The following STK3 variants were observed in gnomAD, a reference collection of about 807,000 sequenced individuals.
The protein encoded by STK3 is serine/threonine-protein kinase 3.
Under a neutral mutation model 58.0 loss-of-function variants are expected in STK3, and 41 were observed. The observed-to-expected ratio is 0.71, with a 90% confidence interval of 0.55 to 0.92. The LOEUF is 0.92. STK3 is among the 40% of genes least tolerant of loss of function. The pLI is 0.00. For synonymous variants in STK3, 170 were observed against 191.0 expected (o/e 0.89, Z 0.91); for missense variants, 479 against 602.7 (o/e 0.79, Z 2.15).
upstream of STK3, among the ~76,000 whole-genome samples, chr8:98,390,956 C>A (rs933587602): frequency 6.6e-6 from 1 of 152,050 alleles, no homozygotes; most frequent in African/African-American, 2.4e-5. Flanking sequence ...CAAATTCACC[C>A]TTACTTTTGG....
chr8:98,520,125 C>A (rs1825239962), intron 10 of STK3, among the ~76,000 whole-genome samples: 1 of 152,100 alleles, frequency 6.6e-6, no homozygotes, highest in South Asian at 2.1e-4. Flanking sequence ...GGAAATAATT[C>A]TAACAAAAAC....
At chr8:98,842,140 G>A (rs1836016561) in intron 3 of STK3, among the ~76,000 whole-genome samples, 1 of 152,050 alleles carries the variant, frequency 6.6e-6, no homozygotes, top group South Asian at 2.1e-4. Context: ...AAGAAGCTCT[G>A]AATAAAAGAT....
chr8:98,612,742 C>G (rs1817302182), intron 6 of STK3, among the ~76,000 whole-genome samples: 1 of 152,112 alleles, frequency 6.6e-6, no homozygotes, highest in African/African-American at 2.4e-5. Flanking sequence ...CAGCCAAACA[C>G]CACAGAAAAA....
chr8:98,539,137 T>C (rs190116805), intron 9 of STK3, among the ~76,000 whole-genome samples: 71 of 152,312 alleles, frequency 4.7e-4, no homozygotes, highest in Middle Eastern at 3.4e-3. Flanking sequence ...CAATTATTTC[T>C]TGGCATCTCA....
intron 8 of STK3, among the ~76,000 whole-genome samples, chr8:98,552,668 C>T (rs1811266715): frequency 6.6e-6 from 1 of 152,114 alleles, no homozygotes. Flanking sequence ...ACTAAAGCCT[C>T]CATCATTTTC....
At chr8:98,830,056 G>A (rs748111932), upstream of STK3, among the ~76,000 whole-genome samples, 25 of 151,882 alleles carry the variant, frequency 1.6e-4, no homozygotes, top group Non-Finnish European at 3.5e-4. Context: ...GTGAAACCCC[G>A]TCTCTACTAA....
At chr8:98,896,044 T>G (rs1193996876) in intron 1 of STK3, among the ~76,000 whole-genome samples, 1 of 152,160 alleles carries the variant, frequency 6.6e-6, no homozygotes, top group Non-Finnish European at 1.5e-5. Context: ...TTTAAATTAT[T>G]TATATTCTTG....
intron 6 of STK3, among the ~76,000 whole-genome samples, chr8:98,675,170 A>G (rs1823107541): frequency 6.6e-6 from 1 of 152,218 alleles, no homozygotes; most frequent in African/African-American, 2.4e-5. Flanking sequence ...CTTGTGGAAA[A>G]TAAAGCACTG....
At chr8:98,754,443 A>G (rs188257699) in intron 3 of STK3, among the ~76,000 whole-genome samples, 4 of 151,862 alleles carry the variant, frequency 2.6e-5, no homozygotes, top group African/African-American at 9.7e-5. Context: ...ATAGACCCAG[A>G]GTTAAGCTTC....
intron 6 of STK3, among the ~76,000 whole-genome samples, chr8:98,600,856 A>C (rs2130049603): frequency 6.6e-6 from 1 of 152,358 alleles, no homozygotes; most frequent in South Asian, 2.1e-4. Flanking sequence ...AAAAGCAAAA[A>C]TGAGGGAGTA....
chr8:98,800,253 C>G lies in STK3; in HGVS notation c.26+25262G>C, dbSNP rs1024936759. ...AACTAACAACTTCTACCGAGGACCC[C>G]TGGACCGACCTGCTGGCACTTTCAA... is the stretch of plus-strand genomic sequence containing the variant. On this transcript the variant is annotated intron_variant, in intron 1 of 10. Coordinates refer to ENST00000419617, the MANE Select transcript of STK3 (RefSeq NM_006281.4). The surrounding 1 kb of genome is among the most constrained non-coding windows in gnomAD (Gnocchi z 4.8). Among the ~76,000 whole-genome samples the G allele has an allele frequency of 1.3e-5, 2 of 152,208 alleles. No homozygotes were observed. Among genetic ancestry groups the G allele is most frequent in the African/African-American group, 4.8e-5 (2 of 41,450 alleles).
At chr8:98,374,891 A>C (rs1817656823) in intron 2 of STK3, among the ~76,000 whole-genome samples, 1 of 152,202 alleles carries the variant, frequency 6.6e-6, no homozygotes, top group Non-Finnish European at 1.5e-5. Flanking sequence ...GAATGGAATA[A>C]ATGGAGGTCA....
intron 1 of STK3, chr8:98,905,197 T>C: frequency 1.0e-6 from 1 of 995,814 alleles, no homozygotes; most frequent in African/African-American, 1.6e-5. Context: ...TGGTCTCCCA[T>C]TCCAGGGGCA....
intron 1 of STK3, among the ~76,000 whole-genome samples, chr8:98,815,232 A>C (rs935205027): frequency 3.3e-5 from 5 of 152,224 alleles, no homozygotes; most frequent in Non-Finnish European, 7.3e-5. Context: ...TCAAACTTAG[A>C]AAATAAATGT....
intron 2 of STK3, among the ~76,000 whole-genome samples, chr8:98,772,064 A>C (rs1295032258): frequency 6.6e-6 from 1 of 152,098 alleles, no homozygotes; most frequent in African/African-American, 2.4e-5. Context: ...TAAAACTTTT[A>C]ATTAGTTTTG....
At chr8:98,499,149 G>T (rs1823379499) in intron 10 of STK3, among the ~76,000 whole-genome samples, 1 of 152,106 alleles carries the variant, frequency 6.6e-6, no homozygotes, top group African/African-American at 2.4e-5. Flanking sequence ...GGAGAAAAGG[G>T]CTATGAACCA....
chr8:98,480,264 A>G (rs1449298352), intron 10 of STK3, among the ~76,000 whole-genome samples: 1 of 152,110 alleles, frequency 6.6e-6, no homozygotes, highest in African/African-American at 2.4e-5. Context: ...AGGTTGATAG[A>G]AACCAAAAAT....
chr8:98,469,897 A>G (rs2131218312), intron 10 of STK3, among the ~76,000 whole-genome samples: 1 of 152,306 alleles, frequency 6.6e-6, no homozygotes, highest in South Asian at 2.1e-4. Flanking sequence ...AATATTAGTA[A>G]CTGACTGACA....
intron 1 of STK3, among the ~76,000 whole-genome samples, chr8:98,923,304 C>T (rs959956145): frequency 3.9e-5 from 6 of 152,114 alleles, no homozygotes; most frequent in African/African-American, 7.2e-5. Flanking sequence ...TTTCCTTTCA[C>T]GCTGTTCTTC....
Sources: gnomAD v4.1 joint callset for allele counts (sites outside exome capture counted in the v4.1 genomes callset) on GRCh38, gnomAD v4.1.1 for gene constraint, Gnocchi (gnomAD v3.1) non-coding constraint, MANE v1.5 for transcripts, NCBI Gene and HGNC (gene_info 2026-07-23, HGNC 2026-07-21) for gene names.